HDAC7: variants seen among roughly 807,000 people sequenced by gnomAD.
HDAC7 encodes the protein histone deacetylase 7.
Under a neutral mutation model 115.5 loss-of-function variants are expected in HDAC7, and 26 were observed. That is an observed-to-expected ratio of 0.23 (90% CI 0.16 to 0.31). The LOEUF (loss-of-function observed/expected upper bound fraction) is 0.31, where lower values mean the gene tolerates loss of function less well. HDAC7 is among the 10% of genes least tolerant of loss of function. The probability of loss-of-function intolerance (pLI) is 1.00; values close to 1 mark genes in which losing one functional copy is unlikely to be tolerated. For synonymous variants in HDAC7, 564 were observed against 550.9 expected (o/e 1.02, Z -0.33); for missense variants, 1,068 against 1,329.0 (o/e 0.80, Z 3.05).
Position 47,797,432 on chromosome 12 carries a change from G to A in HDAC7, c.529C>T (p.Pro177Ser). The A allele has an allele frequency of 6.2e-7, 1 of 1,614,182 alleles. No individual in the cohort carries two copies. The highest frequency in any genetic ancestry group is 8.5e-7 in the Non-Finnish European group (1 of 1,180,016). The change falls in exon 6 of 26, where the codon CCC becomes TCC. Residue 177 changes from proline to serine, a missense_variant. By Grantham distance (74) the Pro-to-Ser change is moderately conservative. This residue lies in a region of HDAC7 where 618 missense variants were observed against 701.5 expected (regional missense o/e 0.88). Coordinates refer to ENST00000080059, the MANE Select transcript of HDAC7 (RefSeq NM_015401.5). The surrounding 1 kb of genome is among the most constrained non-coding windows in gnomAD (Gnocchi z 5.5). ...SMLSSFLPPV[P>S]SLPSDPPEHF... is the part of the protein sequence containing the mutation. Reference sequence around the variant, plus strand: ...TCTGGGGGGTCACTGGGCAGGCTGGGAACAGGAGGCAAAAAGCTGCTGAGC... The same window carrying A: ...TCTGGGGGGTCACTGGGCAGGCTGGAAACAGGAGGCAAAAAGCTGCTGAGC...
chr12:47,797,836 G>A lies in HDAC7; in HGVS notation c.461+272C>T, dbSNP rs1943939878. 6.9e-6 allele frequency among the ~76,000 whole-genome samples: 1 copy of A among 144,678 alleles called. No homozygotes were observed. Among genetic ancestry groups the A allele is most frequent in the Admixed American group, 6.9e-5 (1 of 14,398 alleles). 94.9% of individuals were successfully genotyped at this position (144,678 alleles called of 152,430 possible). On this transcript the variant is annotated intron_variant, in intron 5 of 25. Coordinates refer to ENST00000080059, the MANE Select transcript of HDAC7 (RefSeq NM_015401.5). The surrounding 1 kb of genome is among the most constrained non-coding windows in gnomAD (Gnocchi z 5.5). ...ATATAAAGAGAGAAGGGGCTCATGT[G>A]CAAGAAAAAAGCCAGTAGGGTGTGT...
chr12:47,788,306 G>A (rs1197079210), intron 19 of HDAC7, 142 bp from the exon 20 acceptor site: 3 of 1,000,918 alleles, frequency 3.0e-6, no homozygotes, highest in Non-Finnish European at 4.3e-6. Context: ...AAGCCACACG[G>A]TCGAGTGGCC....
intron 15 of HDAC7, 95 bp from the exon 16 acceptor site, chr12:47,791,403 T>A: frequency 7.1e-7 from 1 of 1,403,668 alleles, no homozygotes; most frequent in Non-Finnish European, 9.6e-7. Context: ...CGGGTGAGTA[T>A]TGGGGGAGAG....
chr12:47,820,964 C>T (rs897117968), upstream of HDAC7, among the ~76,000 whole-genome samples: 6 of 152,196 alleles, frequency 3.9e-5, no homozygotes, highest in African/African-American at 1.2e-4. This position sits in a 1 kb window ranked among gnomAD's most constrained non-coding sequence, Gnocchi z 4.3. Flanking sequence ...CTAAGGACCT[C>T]GCCATTGTGC....
At chr12:47,789,731 T>C in intron 17 of HDAC7, 82 bp downstream of exon 17, 2 of 1,367,738 alleles carry the variant, frequency 1.5e-6, no homozygotes, top group Non-Finnish European at 2.1e-6. Context: ...ATGCGATGCC[T>C]GGGGTTCTGG....
chr12:47,796,436 T>C (rs1943849476), intron 7 of HDAC7, 138 bp from the exon 8 acceptor site: 2 of 589,330 alleles, frequency 3.4e-6, no homozygotes, highest in Non-Finnish European at 5.8e-6. Flanking sequence ...CTTTTTTTTT[T>C]TTTTTGAGAC....
rs373835633 is a variant in HDAC7 at position 47,791,313 on chromosome 12, G to A, written c.1934-5C>T. 2.4e-4 allele frequency: 373 copies of A among 1,586,866 alleles called. 2 individuals carry two copies. The African/African-American group carries it at 3.7e-3, about 16-fold the overall frequency. ...ACATCCGCTGTGCCAGGAGCCCTGC[G>A]GGGAGAGGCCCAGCCCACGTCAGCG... On this transcript the variant is annotated splice_polypyrimidine_tract_variant and splice_region_variant and intron_variant, in intron 15 of 25. Coordinates refer to ENST00000080059, the MANE Select transcript of HDAC7 (RefSeq NM_015401.5).
chr12:47,819,034 G>A (rs1944932247), intron 1 of HDAC7: 1 of 152,354 alleles, frequency 6.6e-6, no homozygotes, highest in Admixed American at 6.5e-5. Flanking sequence ...CAGGCCTGGG[G>A]GGTGCACATC....
Position 47,791,835 on chromosome 12 carries a change from C to T in HDAC7, c.1812+36G>A, listed in dbSNP as rs767552051. 2.4e-5 allele frequency: 38 copies of T among 1,591,100 alleles called. No individual in the cohort carries two copies. In the South Asian group the frequency reaches 4.2e-4, roughly 18 times the overall value. ...CCCTCCCCTCCCATGACTCCTCCCT[C>T]CACCCATTCCTCGGGCCCCACCCGC... is the stretch of plus-strand genomic sequence containing the variant. On this transcript the variant is annotated intron_variant, in intron 14 of 25. Transcript: ENST00000080059.
At position 47,784,119 on chromosome 12, in the gene HDAC7, CG is replaced by C. The variant is rs1943016814; in HGVS notation, c.2889del (p.Ala964HisfsTer26). 2 of 1,613,646 alleles carry C rather than the reference CG, an allele frequency of 1.2e-6. No homozygotes were observed. Among genetic ancestry groups the C allele is most frequent in the Non-Finnish European group, 1.7e-6 (2 of 1,179,924 alleles). On this transcript the variant is annotated frameshift_variant, in exon 25 of 26. Transcript: ENST00000080059. LOFTEE classifies it high-confidence loss of function. ...GADKEEVEAV[T>X]ALASLSVGIL... is the part of the protein sequence containing the mutation. ...ATGCCCACAGAGAGGGACGCCAGTGCGGTCACTGCCTCCACTTCTTCTTTGT... is the reference window on the plus strand; with the variant it reads ...ATGCCCACAGAGAGGGACGCCAGTGCGTCACTGCCTCCACTTCTTCTTTGT...
At chr12:47,811,575 C>A (rs56389811) in intron 1 of HDAC7, among the ~76,000 whole-genome samples, 27 of 152,248 alleles carry the variant, frequency 1.8e-4, no homozygotes, top group African/African-American at 6.5e-4. Flanking sequence ...CTGACTGATG[C>A]GTCTGTGATG....
chr12:47,819,495 T>C lies in HDAC7; in HGVS notation c.19+272A>G, dbSNP rs577699924. ...CAACTCCCTCCCTTGGGCCTGTAGC[T>C]GCCCCGGGGCGGGCGGATGTGGGCG... is the stretch of plus-strand genomic sequence containing the variant. On this transcript the variant is annotated intron_variant, in intron 1 of 25. Transcript: ENST00000080059. Among the ~76,000 whole-genome samples the C allele has an allele frequency of 2.2e-3, 334 of 152,092 alleles. 1 individual carries two copies. The highest frequency in any genetic ancestry group is 7.8e-3 in the African/African-American group (323 of 41,532).
At position 47,795,371 on chromosome 12, in the gene HDAC7, A is replaced by G; in HGVS notation, c.1097T>C (p.Leu366Pro). ...GGCAAAGTGGAAGGGCAAGGGCCCA[A>G]GCCCGGGCACTGGAAAGAATCGGGG... The part of the protein sequence containing the change: ...SHAPLLTVPG[L>P]GPLPFHFAQS... Residue 366 changes from leucine to proline, a missense_variant, in exon 11 of 26, where the codon CTT (leucine) becomes CCT (proline). Leu to Pro is a moderately conservative substitution (Grantham distance 98). Coordinates refer to ENST00000080059, the MANE Select transcript of HDAC7 (RefSeq NM_015401.5). The surrounding 1 kb of genome is among the most constrained non-coding windows in gnomAD (Gnocchi z 4.3). 1.9e-6 allele frequency: 3 copies of G among 1,597,970 alleles called. No individual in the cohort carries two copies. The highest frequency in any genetic ancestry group is 2.6e-6 in the Non-Finnish European group (3 of 1,172,140).
chr12:47,810,842 C>CTCTCTCTCTA (rs1565585991), intron 1 of HDAC7, among the ~76,000 whole-genome samples: 2 of 93,200 alleles, frequency 2.1e-5, no homozygotes, highest in Non-Finnish European at 4.5e-5. Flanking sequence ...CTCTCTCTCT[C>CTCTCTCTCTA]TCTCTATCTC....
At chr12:47,810,304 GA>G (rs1366711798) in intron 1 of HDAC7, among the ~76,000 whole-genome samples, 1 of 152,224 alleles carries the variant, frequency 6.6e-6, no homozygotes, top group Non-Finnish European at 1.5e-5. Context: ...GAGAGGTTCA[GA>G]AACTTGCTGA....
chr12:47,814,814 C>A (rs1173117078), intron 1 of HDAC7, among the ~76,000 whole-genome samples: 1 of 152,200 alleles, frequency 6.6e-6, no homozygotes, highest in Non-Finnish European at 1.5e-5. Flanking sequence ...TGGGAGACGG[C>A]ATCAATGTCA....
At chr12:47,816,831 G>C (rs1048225729) in intron 1 of HDAC7, among the ~76,000 whole-genome samples, 1 of 152,092 alleles carries the variant, frequency 6.6e-6, no homozygotes, top group African/African-American at 2.4e-5. Context: ...AGTTGCTCAG[G>C]GCCCTTCCGG....
rs773887392 is a variant in HDAC7, at chr12:47,786,680, C to T, written c.2477G>A (p.Arg826Gln). 1.2e-5 allele frequency: 19 copies of T among 1,613,822 alleles called. No homozygotes were observed. Among genetic ancestry groups the T allele is most frequent in the Middle Eastern group, 1.6e-4 (1 of 6,080 alleles). Reference protein sequence around the residue: ...AFRIVVMPIAREFSPDLVLVS... With the variant: ...AFRIVVMPIAQEFSPDLVLVS... ...CAGGACTAGGTCTGGAGAGAACTCTCGGGCGATGGGCATCACGACTATCCT... is the reference window on the plus strand; with the variant it reads ...CAGGACTAGGTCTGGAGAGAACTCTTGGGCGATGGGCATCACGACTATCCT... Residue 826 changes from arginine to glutamine, a missense_variant, in exon 22 of 26, where the codon CGA becomes CAA. Around this residue, in one of 6 missense-constraint regions of HDAC7, gnomAD observed 182 missense variants for 301.1 expected, o/e 0.60. Coordinates refer to ENST00000080059, the MANE Select transcript of HDAC7 (RefSeq NM_015401.5).
In HDAC7 at chr12:47,797,193, AC is replaced by A; in HGVS notation, c.578-52del. 6.4e-7 allele frequency: 1 copy of A among 1,551,264 alleles called. No individual in the cohort carries two copies. ...GGCCCCCACCACCCTTCTTTTTTCCACCCTTTAACCCCTCAGTCCCAGTCAT... is the reference window on the plus strand; with the variant it reads ...GGCCCCCACCACCCTTCTTTTTTCCACCTTTAACCCCTCAGTCCCAGTCAT... On this transcript the variant is annotated intron_variant, in intron 6 of 25. Transcript: ENST00000080059. The surrounding 1 kb of genome is among the most constrained non-coding windows in gnomAD (Gnocchi z 5.5).
Sources: gnomAD v4.1 joint callset for allele counts (sites outside exome capture counted in the v4.1 genomes callset) on GRCh38, gnomAD v4.1.1 for gene constraint, gnomAD v4.1.1 regional missense constraint, Gnocchi (gnomAD v3.1) non-coding constraint, MANE v1.5 for transcripts, NCBI Gene and HGNC (gene_info 2026-07-23, HGNC 2026-07-21) for gene names.